The following SYT14 variants were observed in gnomAD, a reference collection of about 807,000 sequenced individuals.
The protein encoded by SYT14 is synaptotagmin-14.
A neutral mutation model predicts 74.2 loss-of-function variants in SYT14; 32 were observed. The ratio of observed to expected loss-of-function variants is 0.43; its 90% confidence interval spans 0.33 to 0.58. The LOEUF (loss-of-function observed/expected upper bound fraction) is 0.58, where lower values mean the gene tolerates loss of function less well. SYT14 is among the 20% of genes least tolerant of loss of function. The pLI, the probability that SYT14 is intolerant of heterozygous loss-of-function variation, is 0.05. For missense variants in SYT14, 791 were observed against 981.8 expected (o/e 0.81, Z 2.60); for synonymous variants, 298 against 337.7 (o/e 0.88, Z 1.29).
intron 5 of SYT14, among the ~76,000 whole-genome samples, chr1:210,070,935 G>C (rs1305172092): frequency 7.0e-5 from 3 of 42,876 alleles, no homozygotes; most frequent in Non-Finnish European, 4.7e-5. Context: ...TTTTTTTTTT[G>C]GCTAGACTTT....
At chr1:210,003,511 G>A (rs563111658) in intron 2 of SYT14, among the ~76,000 whole-genome samples, 7 of 152,104 alleles carry the variant, frequency 4.6e-5, no homozygotes, top group African/African-American at 1.4e-4. Flanking sequence ...TCATATATCC[G>A]CTGCCATTTG....
At chr1:210,025,394 G>A (rs1189919506) in intron 5 of SYT14, among the ~76,000 whole-genome samples, 3 of 152,212 alleles carry the variant, frequency 2.0e-5, no homozygotes, top group Non-Finnish European at 4.4e-5. Flanking sequence ...TGGTCTGCAT[G>A]TGACCATCAC....
chr1:209,948,291 C>T (rs1196823115), intron 1 of SYT14, among the ~76,000 whole-genome samples: 3 of 151,906 alleles, frequency 2.0e-5, no homozygotes, highest in African/African-American at 7.3e-5. Context: ...TTTTAAAATC[C>T]CAGTTTCCAG....
Position 210,130,789 on chromosome 1 carries a change from AAAC to A in SYT14, c.2035-24927_2035-24925del, listed in dbSNP as rs200389831. Among the ~76,000 whole-genome samples the A allele has an allele frequency of 9.2e-3, 1,401 of 152,352 alleles. 16 individuals are homozygous for A. The highest frequency in any genetic ancestry group is 0.031 in the African/African-American group (1,278 of 41,568). On this transcript the variant is annotated intron_variant, in intron 7 of 9. Transcript: ENST00000637265. ...TAATACTCTATGAGGATATATACAG[AAAC>A]AACAGTAATAACATCATATGTAATA...
chr1:209,950,389 T>C (rs2078893258), intron 1 of SYT14, among the ~76,000 whole-genome samples: 1 of 152,206 alleles, frequency 6.6e-6, no homozygotes, highest in African/African-American at 2.4e-5. Context: ...ATCCAGTCAT[T>C]GGACTAGTAT....
intron 7 of SYT14, among the ~76,000 whole-genome samples, chr1:210,134,649 T>C (rs568696972): frequency 6.6e-6 from 1 of 152,248 alleles, no homozygotes; most frequent in East Asian, 1.9e-4. Flanking sequence ...TATACAATAA[T>C]GAACTCCTTT....
chr1:210,114,977 A>G (rs1305311192), intron 7 of SYT14, among the ~76,000 whole-genome samples: 1 of 151,088 alleles, frequency 6.6e-6, no homozygotes, highest in Non-Finnish European at 1.5e-5. Flanking sequence ...GCAGGAGGGA[A>G]AGAAGGAATA....
chr1:209,955,006 A>G (rs1031611100), intron 2 of SYT14, among the ~76,000 whole-genome samples: 1 of 152,098 alleles, frequency 6.6e-6, no homozygotes, highest in African/African-American at 2.4e-5. Flanking sequence ...GCACTCGGCT[A>G]GACATCACAA....
In SYT14 at chr1:210,124,113, A is replaced by G. The variant is rs1220305839; in HGVS notation, c.2034+23652A>G. ...CTGCCTATTTGTTTTCATATTGTCT[A>G]TGGCTGCTTTCATGCTACAACAGCA... is the stretch of plus-strand genomic sequence containing the variant. On this transcript the variant is annotated intron_variant, in intron 7 of 9. Coordinates refer to ENST00000637265, the Ensembl canonical transcript of SYT14. Among the ~76,000 whole-genome samples the G allele has an allele frequency of 2.0e-5, 3 of 152,154 alleles. No homozygotes were observed. In the East Asian group the frequency reaches 5.8e-4, roughly 29 times the overall value.
intron 7 of SYT14, among the ~76,000 whole-genome samples, chr1:210,143,523 A>G (rs1366316763): frequency 6.6e-6 from 1 of 152,052 alleles, no homozygotes; most frequent in East Asian, 1.9e-4. Flanking sequence ...AAAATGTCAT[A>G]TATTATTTAG....
chr1:210,109,410 G>A (rs931955844), intron 7 of SYT14, among the ~76,000 whole-genome samples: 6 of 151,854 alleles, frequency 4.0e-5, no homozygotes, highest in East Asian at 3.9e-4. Flanking sequence ...AAATCCCGTC[G>A]CTAATAAAAC....
intron 2 of SYT14, among the ~76,000 whole-genome samples, chr1:209,986,851 T>C (rs529455681): frequency 2.6e-5 from 4 of 152,188 alleles, no homozygotes; most frequent in African/African-American, 9.6e-5. Context: ...CTTGAACTCC[T>C]GACCTTGTGA....
chr1:210,161,996 AG>A (rs2083382510), exon 10 of SYT14: 1 of 453,708 alleles, frequency 2.2e-6, no homozygotes, highest in African/African-American at 2.0e-5. Flanking sequence ...TTCTGCTCTG[AG>A]TATTTAGTAA....
Position 209,962,866 on chromosome 1 carries a change from A to G in SYT14, c.-486+10110A>G, listed in dbSNP as rs188374407. ...TCACTAAGTTCTCCTTTACTCTGAA[A>G]AAGCCATCTAAAAGTGTCATTTTCT... On this transcript the variant is annotated intron_variant, in intron 2 of 9. Coordinates refer to ENST00000637265, the Ensembl canonical transcript of SYT14. Among the ~76,000 whole-genome samples, 32 of 152,226 alleles carry G rather than the reference A, an allele frequency of 2.1e-4. No individual in the cohort carries two copies. The East Asian group carries it at 4.1e-3, about 19-fold the overall frequency.
Position 210,087,864 on chromosome 1 carries a change from G to GC in SYT14, c.1313-6455dup, listed in dbSNP as rs769388787. Among the ~76,000 whole-genome samples the GC allele has an allele frequency of 4.6e-5, 7 of 152,148 alleles. No individual in the cohort carries two copies. In the East Asian group the frequency reaches 1.4e-3, roughly 30 times the overall value. ...GGCTTCCTTTGCCACCATCAGTGCA[G>GC]CCCTCTGCCTTCCTCTGCCCCACTC... On this transcript the variant is annotated intron_variant, in intron 5 of 9. Coordinates refer to ENST00000637265, the Ensembl canonical transcript of SYT14.
chr1:210,054,584 G>A (rs2081062241), intron 5 of SYT14, among the ~76,000 whole-genome samples: 1 of 152,072 alleles, frequency 6.6e-6, no homozygotes, highest in Non-Finnish European at 1.5e-5. Context: ...GTGATACGTA[G>A]AAAAGTAGAT....
At chr1:210,064,153 A>G (rs1184619056) in intron 5 of SYT14, among the ~76,000 whole-genome samples, 1 of 152,038 alleles carries the variant, frequency 6.6e-6, no homozygotes, top group Non-Finnish European at 1.5e-5. Flanking sequence ...AAATCATAAT[A>G]TATGCCTTTT....
chr1:210,050,809 C>G (rs1404159203), intron 5 of SYT14, among the ~76,000 whole-genome samples: 1 of 152,186 alleles, frequency 6.6e-6, no homozygotes. Context: ...AAGACCCACT[C>G]CCATATAATT....
At chr1:209,939,156 T>C (rs1434179224) in intron 1 of SYT14, among the ~76,000 whole-genome samples, 4 of 152,206 alleles carry the variant, frequency 2.6e-5, no homozygotes, top group African/African-American at 9.7e-5. Flanking sequence ...TTGTGAGAAT[T>C]AATTTCACAC....
Sources: gnomAD v4.1 joint callset for allele counts (sites outside exome capture counted in the v4.1 genomes callset) on GRCh38, gnomAD v4.1.1 for gene constraint, MANE v1.5 for transcripts, NCBI Gene and HGNC (gene_info 2026-07-23, HGNC 2026-07-21) for gene names.